SLC6A9: variants seen among roughly 807,000 people sequenced by gnomAD.
The protein encoded by SLC6A9 is solute carrier family 6 member 9.
Under a neutral mutation model 70.9 loss-of-function variants are expected in SLC6A9, and 31 were observed. The observed-to-expected ratio is 0.44, with a 90% CI of 0.33 to 0.59. The LOEUF is 0.59. SLC6A9 is among the 20% of genes least tolerant of loss of function. The probability of loss-of-function intolerance (pLI) is 0.04; values close to 1 mark genes in which losing one functional copy is unlikely to be tolerated. For synonymous variants in SLC6A9, 310 were observed against 341.3 expected (o/e 0.91, Z 1.01); for missense variants, 631 against 845.2 (o/e 0.75, Z 3.14).
At chr1:44,008,750 G>T in intron 4 of SLC6A9, 127 bp from the exon 5 acceptor site, 2 of 737,198 alleles carry the variant, frequency 2.7e-6, no homozygotes, top group Non-Finnish European at 4.3e-6. Context: ...CTGTTGCCCA[G>T]GCTCTGACAC....
rs2086824370 is a variant in SLC6A9 at position 44,018,647 on chromosome 1, A to G, written c.30+5601T>C. 6.6e-6 allele frequency among the ~76,000 whole-genome samples: 1 copy of G among 150,550 alleles called. No homozygotes were observed. The highest frequency in any genetic ancestry group is 2.1e-4 in the South Asian group (1 of 4,798). ...AATAATAATAATAATAAATAAAAAT[A>G]AAAAGACAGGTGGGGCACAGTGGCT... On this transcript the variant is annotated intron_variant, in intron 2 of 13. Coordinates refer to ENST00000372310, the MANE Select transcript of SLC6A9 (RefSeq NM_001024845.3). This position sits in a 1 kb window ranked among gnomAD's most constrained non-coding sequence, Gnocchi z 4.2.
chr1:44,001,446 G>A lies in SLC6A9; in HGVS notation c.1144C>T (p.Pro382Ser), dbSNP rs1336348098. Residue 382 changes from proline to serine, a missense_variant, in exon 9 of 14, where the codon CCG becomes TCG. By Grantham distance (74) the Pro-to-Ser change is moderately conservative. Coordinates refer to ENST00000372310, the MANE Select transcript of SLC6A9 (RefSeq NM_001024845.3). The part of the protein sequence containing the change: ...PEALTLLPIS[P>S]LWSLLFFFML... The stretch of plus-strand genomic sequence containing the variant: ...AAGAAGAAGAGCAGAGACCACAGCG[G>A]GGAGATGGGAAGTAGTGTGAGGGCC... 6.2e-7 allele frequency: 1 copy of A among 1,614,062 alleles called. No individual in the cohort carries two copies. Among genetic ancestry groups the A allele is most frequent in the African/African-American group, 1.3e-5 (1 of 74,954 alleles).
chr1:44,001,436 G>C lies in SLC6A9; in HGVS notation c.1154C>G (p.Ser385Cys). ...LTLLPISPLW[S>C]LLFFFMLILL... ...GATAAGCATGAAGAAGAAGAGCAGA[G>C]ACCACAGCGGGGAGATGGGAAGTAG... The change falls in exon 9 of 14, where the codon TCT becomes TGT. Residue 385 changes from serine to cysteine, a missense_variant. By Grantham distance (112) the Ser-to-Cys change is moderately radical. Transcript: ENST00000372310. 2.5e-6 allele frequency: 4 copies of C among 1,614,118 alleles called. No homozygotes were observed. The highest frequency in any genetic ancestry group is 3.4e-6 in the Non-Finnish European group (4 of 1,179,968).
rs777178112 is a variant in SLC6A9 at position 44,000,905 on chromosome 1, G to C, written c.1436-38C>G. On this transcript the variant is annotated intron_variant, in intron 11 of 13. Transcript: ENST00000372310. ...GGGGTCAGCAGACCCGCAGGACAGA[G>C]TGGGCGGGCCAAGGGCCGGGTCGCG... 16 of 1,596,594 alleles carry C rather than the reference G, an allele frequency of 1.0e-5. No individual in the cohort carries two copies. In the South Asian group the frequency reaches 1.8e-4, roughly 18 times the overall value.
intron 1 of SLC6A9, chr1:44,030,364 CCCCGCCCCCGGGCCGGCACCGGCCCCT>C (rs1367843031): frequency 6.6e-6 from 1 of 152,486 alleles, no homozygotes; most frequent in Non-Finnish European, 1.5e-5. Context: ...CGCCCCACGG[CCCCGCCCCCGGGCCGGCACCGGCCCCT>C]CCCGGCCCTC....
rs1054489039 is a variant in SLC6A9 at position 44,002,771 on chromosome 1, C to G, written c.723+82G>C. 1 of 1,597,672 alleles carries G rather than the reference C, an allele frequency of 6.3e-7. No homozygotes were observed. The highest frequency in any genetic ancestry group is 8.6e-7 in the Non-Finnish European group (1 of 1,167,234). ...GGCTCCGGAGTCCCTTCAGCATCCC[C>G]TCCCTGCAATACACACATAACCCAG... is the stretch of plus-strand genomic sequence containing the variant. On this transcript the variant is annotated intron_variant, in intron 6 of 13. Transcript: ENST00000372310. This position sits in a 1 kb window ranked among gnomAD's most constrained non-coding sequence, Gnocchi z 5.5.
chr1:44,016,393 C>T (rs1413261735), intron 2 of SLC6A9: 2 of 152,524 alleles, frequency 1.3e-5, no homozygotes, highest in Non-Finnish European at 2.9e-5. Context: ...CCCTCTCTTG[C>T]CTTTTGAAGG....
chr1:44,011,538 G>A (rs1306133863), intron 2 of SLC6A9: 1 of 1,608,832 alleles, frequency 6.2e-7, no homozygotes, highest in African/African-American at 1.3e-5. Context: ...CCCATGGCTG[G>A]GGAGGGGCCC....
rs201320885 is a variant in SLC6A9, at chr1:43,997,091, G to A, written c.*454C>T. ...GCAGCACAGCCTGACAAGTAACACTGGGCAGTCCCCCAGCCCTTCATCCTG... is the reference window on the plus strand; with the variant it reads ...GCAGCACAGCCTGACAAGTAACACTAGGCAGTCCCCCAGCCCTTCATCCTG... On this transcript the variant is annotated 3_prime_UTR_variant, in exon 14 of 14. Transcript: ENST00000372310. The surrounding 1 kb of genome is among the most constrained non-coding windows in gnomAD (Gnocchi z 4.4). 39 of 185,212 alleles carry A rather than the reference G, an allele frequency of 2.1e-4. No homozygotes were observed. The highest frequency in any genetic ancestry group is 3.2e-4 in the Admixed American group (5 of 15,870). 11.5% of individuals were successfully genotyped at this position (185,212 alleles called of 1,614,324 possible). A position where few individuals can be genotyped will look rare whatever the true frequency, so the allele number is the denominator to read the frequency against.
Position 44,001,058 on chromosome 1 carries a change from G to A in SLC6A9, c.1336-3C>T. On this transcript the variant is annotated splice_polypyrimidine_tract_variant and splice_region_variant and intron_variant, in intron 10 of 13. Coordinates refer to ENST00000372310, the MANE Select transcript of SLC6A9 (RefSeq NM_001024845.3). ...AGCAGCAGCCAATAGATGCCTGCCT[G>A]GGGAACAGCGGGCAGCTGTGGGAGG... The A allele has an allele frequency of 6.9e-6, 11 of 1,590,486 alleles. No individual in the cohort carries two copies. The highest frequency in any genetic ancestry group is 8.6e-6 in the Non-Finnish European group (10 of 1,166,652).
In SLC6A9 at chr1:43,997,897, G is replaced by A. The variant is rs770053046; in HGVS notation, c.1665C>T (p.Ala555=). ...LSSVLCIPLY[A]MFRLCRTDGD... is the part of the protein sequence containing the mutation. ...CGTCTGTGCGGCAGAGCCGGAACAT[G>A]GCGTAGAGGGGGATGCAGAGGACGG... Residue 555 remains alanine (A), a synonymous_variant, in exon 13 of 14, where the codon GCC becomes GCT. Transcript: ENST00000372310. The surrounding 1 kb of genome is among the most constrained non-coding windows in gnomAD (Gnocchi z 4.4). The A allele has an allele frequency of 6.2e-7, 1 of 1,614,062 alleles. No individual in the cohort carries two copies. Among genetic ancestry groups the A allele is most frequent in the Non-Finnish European group, 8.5e-7 (1 of 1,179,960 alleles).
In SLC6A9 at chr1:44,010,022, C is replaced by T; in HGVS notation, c.262G>A (p.Gly88Ser). The T allele has an allele frequency of 5.0e-6, 8 of 1,614,082 alleles. No individual in the cohort carries two copies. Among genetic ancestry groups the T allele is most frequent in the East Asian group, 2.2e-5 (1 of 44,874 alleles). Residue 88 changes from glycine to serine, a missense_variant, in exon 4 of 14, where the codon GGC becomes AGC. Transcript: ENST00000372310. ...IPLFFMELSF[G>S]QFASQGCLGV... is the part of the protein sequence containing the mutation. ...AGGCACCCCTGGCTTGCAAACTGGC[C>T]GAAGGAGAGCTCCATGAAGAAGAGG...
chr1:44,021,205 G>A (rs1048391388), intron 2 of SLC6A9, among the ~76,000 whole-genome samples: 3 of 152,176 alleles, frequency 2.0e-5, no homozygotes, highest in Admixed American at 1.3e-4. Context: ...GGTCTCCACG[G>A]GAGGACCACC....
chr1:44,028,815 AGAAGGAAG>A (rs3038834), intron 1 of SLC6A9, among the ~76,000 whole-genome samples: 8 of 151,122 alleles, frequency 5.3e-5, no homozygotes, highest in Non-Finnish European at 1.0e-4. Flanking sequence ...AAGGAAGGAA[AGAAGGAAG>A]GAAGGAAGGA....
chr1:43,998,226 C>T (rs1445223244), intron 12 of SLC6A9, among the ~76,000 whole-genome samples: 1 of 152,194 alleles, frequency 6.6e-6, no homozygotes, highest in Non-Finnish European at 1.5e-5. Context: ...TGGGAAGGCT[C>T]TGCGGAAGGG....
chr1:44,015,856 T>C, intron 2 of SLC6A9: 1 of 985,362 alleles, frequency 1.0e-6, no homozygotes, highest in Non-Finnish European at 1.2e-6. Flanking sequence ...GGGCAGAACA[T>C]GGGAAAATCT....
At chr1:44,015,267 A>G (rs2086702091) in intron 2 of SLC6A9, among the ~76,000 whole-genome samples, 1 of 152,166 alleles carries the variant, frequency 6.6e-6, no homozygotes, top group African/African-American at 2.4e-5. Flanking sequence ...CCAGCTCTCC[A>G]CCCTGGACGG....
chr1:44,030,858 G>T (rs1054852692), intron 1 of SLC6A9, among the ~76,000 whole-genome samples: 4 of 152,104 alleles, frequency 2.6e-5, no homozygotes, highest in Non-Finnish European at 5.9e-5. Context: ...GTGCAGGCAC[G>T]GCCGACTGTC....
At chr1:44,030,824 A>T (rs913271055) in intron 1 of SLC6A9, among the ~76,000 whole-genome samples, 9 of 152,212 alleles carry the variant, frequency 5.9e-5, no homozygotes, top group Non-Finnish European at 7.4e-5. Flanking sequence ...GAGGCGATGG[A>T]GCGAGCGGGA....
Sources: gnomAD v4.1 joint callset for allele counts (sites outside exome capture counted in the v4.1 genomes callset) on GRCh38, gnomAD v4.1.1 for gene constraint, Gnocchi (gnomAD v3.1) non-coding constraint, MANE v1.5 for transcripts, NCBI Gene and HGNC (gene_info 2026-07-23, HGNC 2026-07-21) for gene names.